TENM1: variants seen among roughly 807,000 people sequenced by gnomAD.
TENM1 encodes teneurin transmembrane protein 1.
Under a neutral mutation model 174.8 loss-of-function variants are expected in TENM1, and 35 were observed. That is an observed-to-expected ratio of 0.20 (90% CI 0.15 to 0.27). The LOEUF (loss-of-function observed/expected upper bound fraction) is 0.27, where lower values mean the gene tolerates loss of function less well. Among genes scored for constraint, TENM1 ranks in the 10% least tolerant of loss-of-function variants. The pLI is 1.00. For missense variants in TENM1, 1,633 were observed against 2,130.1 expected (o/e 0.77, Z 4.59); for synonymous variants, 781 against 798.7 (o/e 0.98, Z 0.37).
intron 3 of TENM1, among the ~76,000 whole-genome samples, chrX:124,807,916 C>CACACACAA (rs746369843): frequency 0.024 from 2,583 of 106,854 alleles, 45 homozygotes; most frequent in Middle Eastern, 0.054. Context: ...CACACACACA[C>CACACACAA]ACAGAGGAAG....
chrX:124,656,946 T>A (rs991931786), intron 6 of TENM1, among the ~76,000 whole-genome samples: 3 of 109,719 alleles, frequency 2.7e-5, no homozygotes, highest in African/African-American at 6.6e-5. Context: ...AAACCCTGTC[T>A]CCAGTTAAAA....
chrX:124,794,575 A>G (rs1461344836), intron 3 of TENM1, among the ~76,000 whole-genome samples: 3 of 111,075 alleles, frequency 2.7e-5, no homozygotes, highest in African/African-American at 6.6e-5. Context: ...GAATAAGTAC[A>G]ATAGTCAGCT....
the TENM1 span, among the ~76,000 whole-genome samples, chrX:125,139,953 T>G: frequency 3.6e-5 from 4 of 110,233 alleles, no homozygotes; most frequent in African/African-American, 1.3e-4. Flanking sequence ...GACTGCACTA[T>G]CCTTTGATGA....
chrX:124,648,705 A>G (rs1003346561), intron 8 of TENM1, among the ~76,000 whole-genome samples: 4 of 112,003 alleles, frequency 3.6e-5, no homozygotes, highest in African/African-American at 1.3e-4. Context: ...TTAAGTCTAC[A>G]TTTGAATTTC....
intron 3 of TENM1, among the ~76,000 whole-genome samples, chrX:124,739,512 A>C: frequency 9.0e-6 from 1 of 111,448 alleles, no homozygotes; most frequent in African/African-American, 3.3e-5. Context: ...TTTGTAAATT[A>C]AGTGACATTT....
At chrX:124,671,402 G>T (rs910746521) in intron 6 of TENM1, among the ~76,000 whole-genome samples, 1 of 111,542 alleles carries the variant, frequency 9.0e-6, no homozygotes, top group Non-Finnish European at 1.9e-5. Flanking sequence ...AGTTATATGC[G>T]AAATGCAATT....
At chrX:125,044,196 TAAAAATAAAA>T in the TENM1 span, among the ~76,000 whole-genome samples, 15,569 of 77,807 alleles carry the variant, frequency 0.2, 1,701 homozygotes, top group African/African-American at 0.42. Context: ...AAAAAAAGAT[TAAAAATAAAA>T]AAAAATAAAA....
the TENM1 span, among the ~76,000 whole-genome samples, chrX:125,128,501 AGCTATTAGGTATAGCC>A: frequency 1.8e-5 from 2 of 111,707 alleles, no homozygotes; most frequent in Non-Finnish European, 3.8e-5. Context: ...TGCATTTCTC[AGCTATTAGGTATAGCC>A]ATGTGACTAA....
intron 3 of TENM1, among the ~76,000 whole-genome samples, chrX:124,770,242 C>T (rs1796831355): frequency 9.0e-6 from 1 of 111,317 alleles, no homozygotes; most frequent in Non-Finnish European, 1.9e-5. Flanking sequence ...TTCACTTTGT[C>T]TTTTCTCCCC....
the TENM1 span, among the ~76,000 whole-genome samples, chrX:124,975,821 G>T: frequency 8.9e-6 from 1 of 111,915 alleles, no homozygotes; most frequent in African/African-American, 3.2e-5. Context: ...GCTGTGGTGG[G>T]CAAATGATAA....
Position 124,662,325 on chromosome X carries a change from G to A in TENM1, c.1169-8542C>T, listed in dbSNP as rs772982225. Reference sequence around the variant, plus strand: ...AAAAATTAGCCGGGCGTGGTGGTGCGCGCCTGTAATCCCAGCTACTCAGGT... The same window carrying A: ...AAAAATTAGCCGGGCGTGGTGGTGCACGCCTGTAATCCCAGCTACTCAGGT... On this transcript the variant is annotated intron_variant, in intron 6 of 31. Transcript: ENST00000422452. 4.3e-4 allele frequency among the ~76,000 whole-genome samples: 47 copies of A among 108,716 alleles called. No individual in the cohort carries two copies. In the South Asian group the frequency reaches 4.9e-3, roughly 11 times the overall value. The allele number at this position is 108,716 out of a possible 115,157, so 94.4% of individuals were successfully genotyped here.
intron 22 of TENM1, among the ~76,000 whole-genome samples, chrX:124,457,252 A>G (rs2061119254): frequency 8.9e-6 from 1 of 112,167 alleles, no homozygotes; most frequent in Admixed American, 9.5e-5. Flanking sequence ...AAATCCTTGT[A>G]AATTAGTGCA....
At chrX:124,668,700 G>A (rs1479809647) in intron 6 of TENM1, among the ~76,000 whole-genome samples, 1 of 109,516 alleles carries the variant, frequency 9.1e-6, no homozygotes, top group African/African-American at 3.3e-5. Context: ...GGACTGTTGT[G>A]GGGTGGGGGG....
At chrX:124,542,581 G>C (rs2048344527) in intron 15 of TENM1, among the ~76,000 whole-genome samples, 1 of 111,596 alleles carries the variant, frequency 9.0e-6, no homozygotes, top group Non-Finnish European at 1.9e-5. Context: ...CAAGATTTTA[G>C]ATCTTTAAGC....
intron 22 of TENM1, among the ~76,000 whole-genome samples, chrX:124,470,330 A>G (rs1461244321): frequency 2.7e-5 from 3 of 111,554 alleles, no homozygotes; most frequent in Non-Finnish European, 5.6e-5. Context: ...TCTTCAAGAC[A>G]TATTATTAAA....
chrX:124,977,023 C>A, the TENM1 span, among the ~76,000 whole-genome samples: 2 of 111,929 alleles, frequency 1.8e-5, no homozygotes, highest in Admixed American at 9.5e-5. Flanking sequence ...TGGGTTGCTA[C>A]CATAGAGAGT....
At chrX:124,770,471 C>T (rs750488512) in intron 3 of TENM1, among the ~76,000 whole-genome samples, 2 of 111,572 alleles carry the variant, frequency 1.8e-5, no homozygotes, top group South Asian at 7.5e-4. Context: ...AGTGGTGCAA[C>T]CTCAGCTCAC....
chrX:125,007,395 A>G, the TENM1 span, among the ~76,000 whole-genome samples: 1 of 111,405 alleles, frequency 9.0e-6, no homozygotes, highest in Admixed American at 9.5e-5. Flanking sequence ...AAAAAGACCG[A>G]ACCTACAATT....
At chrX:125,097,434 T>C in the TENM1 span, among the ~76,000 whole-genome samples, 416 of 111,824 alleles carry the variant, frequency 3.7e-3, 3 homozygotes, top group Non-Finnish European at 5.1e-3. Context: ...TATGTGAGTA[T>C]GTATGTACAT....
Sources: allele counts gnomAD v4.1 joint callset (sites outside exome capture counted in the v4.1 genomes callset), GRCh38; gene constraint gnomAD v4.1.1; transcripts MANE v1.5; gene names NCBI Gene and HGNC (gene_info 2026-07-23, HGNC 2026-07-21).